NCAM1: variants seen among roughly 807,000 people sequenced by gnomAD.
NCAM1 encodes neural cell adhesion molecule 1, also known as antigen recognized by monoclonal antibody 5.1H11.
A neutral mutation model predicts 109.8 loss-of-function variants in NCAM1; 14 were observed. That is an observed-to-expected ratio of 0.13 (90% CI 0.08 to 0.20). The LOEUF is 0.20. Ranked by LOEUF, NCAM1 falls within the 10% of genes least tolerant of loss-of-function variation. The pLI is 1.00. For synonymous variants in NCAM1, 418 were observed against 442.9 expected, an observed-to-expected ratio of 0.94 and a Z score of 0.70; for missense variants, 774 against 1,109.9, an observed-to-expected ratio of 0.70 and a Z score of 4.30.
chr11:113,128,624 C>T (rs996100275), intron 1 of NCAM1, among the ~76,000 whole-genome samples: 1 of 152,184 alleles, frequency 6.6e-6, no homozygotes. Flanking sequence ...GGCATGCCCC[C>T]TCCTTTAGTC....
chr11:113,010,021 C>A (rs1260455596), intron 1 of NCAM1, among the ~76,000 whole-genome samples: 1 of 132,714 alleles, frequency 7.5e-6, no homozygotes, highest in Non-Finnish European at 1.6e-5. Context: ...GGAAATTGAG[C>A]TGCATCTTGA....
chr11:113,098,435 A>G (rs6589357), intron 1 of NCAM1, among the ~76,000 whole-genome samples: 11,104 of 152,092 alleles, frequency 0.073, 780 homozygotes, highest in Admixed American at 0.17. Flanking sequence ...TTGTTATACT[A>G]TATTGCTTTT....
At chr11:113,067,673 C>T (rs1555084459) in intron 1 of NCAM1, among the ~76,000 whole-genome samples, 1 of 152,198 alleles carries the variant, frequency 6.6e-6, no homozygotes, top group African/African-American at 2.4e-5. Context: ...TCTTTCCTAG[C>T]CTCAGTGGGT....
chr11:113,016,117 C>T lies in NCAM1; in HGVS notation c.52+54453C>T, dbSNP rs988099536. ...CCCATAAATGGTTCAATTTATGAAG[C>T]CCATTCATGGATCTATTTAGGAGGT... On this transcript the variant is annotated intron_variant, in intron 1 of 19. Transcript: ENST00000316851. Among the ~76,000 whole-genome samples, 6 of 152,172 alleles carry T rather than the reference C, an allele frequency of 3.9e-5. 1 individual carries two copies. Among genetic ancestry groups the T allele is most frequent in the Admixed American group, 2.0e-4 (3 of 15,302 alleles).
chr11:113,043,549 C>G (rs1555080309), intron 1 of NCAM1, among the ~76,000 whole-genome samples: 2 of 152,130 alleles, frequency 1.3e-5, no homozygotes, highest in Non-Finnish European at 2.9e-5. Flanking sequence ...GTTGGCCAGG[C>G]TGGTCTCGAA....
intron 1 of NCAM1, among the ~76,000 whole-genome samples, chr11:113,064,589 A>C (rs2135513015): frequency 6.6e-6 from 1 of 152,274 alleles, no homozygotes; most frequent in South Asian, 2.1e-4. Context: ...CATCTCATTT[A>C]ATTCTCCAGT....
chr11:113,036,429 C>A (rs1952887747), intron 1 of NCAM1, among the ~76,000 whole-genome samples: 1 of 152,002 alleles, frequency 6.6e-6, no homozygotes, highest in African/African-American at 2.4e-5. Context: ...GGTGCCTCTC[C>A]CCCATTCCAT....
chr11:113,137,347 G>A (rs1555099676), intron 1 of NCAM1, among the ~76,000 whole-genome samples: 1 of 152,228 alleles, frequency 6.6e-6, no homozygotes, highest in Non-Finnish European at 1.5e-5. Context: ...TATTTAAAAG[G>A]AGAACTCAGA....
At chr11:113,202,513 C>A in intron 2 of NCAM1, 60 bp downstream of exon 2, 3 of 1,441,048 alleles carry the variant, frequency 2.1e-6, no homozygotes, top group Non-Finnish European at 2.8e-6. Context: ...CTGGGTAGAG[C>A]AGGAGCCCTC....
In NCAM1 at chr11:113,235,350, A is replaced by G. The variant is rs1555118080; in HGVS notation, c.1825+186A>G. 4 of 1,270,526 alleles carry G rather than the reference A, an allele frequency of 3.1e-6. 1 individual carries two copies. In the South Asian group the frequency reaches 4.8e-5, roughly 15 times the overall value. The allele number at this position is 1,270,526 out of a possible 1,614,324, so 78.7% of individuals were successfully genotyped here. A position where few individuals can be genotyped will look rare whatever the true frequency, so the allele number is the denominator to read the frequency against. The stretch of plus-strand genomic sequence containing the variant: ...GTGACAGCTAACACACAGTCCCTTC[A>G]TTCTCTCTTTCTCCAAGGGGTTGGG... On this transcript the variant is annotated intron_variant, in intron 14 of 19. Transcript: ENST00000316851.
intron 1 of NCAM1, among the ~76,000 whole-genome samples, chr11:113,145,759 C>G (rs1941994282): frequency 6.6e-6 from 1 of 151,816 alleles, no homozygotes; most frequent in Non-Finnish European, 1.5e-5. Flanking sequence ...CCCACCCCAC[C>G]CCCACTTTCC....
intron 1 of NCAM1, among the ~76,000 whole-genome samples, chr11:113,120,564 T>C (rs964232498): frequency 6.6e-5 from 10 of 152,142 alleles, no homozygotes; most frequent in African/African-American, 2.4e-4. Flanking sequence ...ATGCCTCAGA[T>C]TGATTTTATT....
chr11:113,240,662 C>A, intron 14 of NCAM1: 1 of 878,770 alleles, frequency 1.1e-6, no homozygotes, highest in Non-Finnish European at 1.9e-6. Flanking sequence ...TGTTGTTCTT[C>A]CCACTTTAAC....
At chr11:113,187,032 T>C (rs1943528347) in intron 1 of NCAM1, among the ~76,000 whole-genome samples, 1 of 152,248 alleles carries the variant, frequency 6.6e-6, no homozygotes. Flanking sequence ...CTCCCTTTCT[T>C]GACTAATTCT....
At chr11:113,116,829 G>C (rs1268456630) in intron 1 of NCAM1, among the ~76,000 whole-genome samples, 1 of 151,572 alleles carries the variant, frequency 6.6e-6, no homozygotes, top group Non-Finnish European at 1.5e-5. Flanking sequence ...TTTGGGAAAG[G>C]GTCCAAAGAG....
At chr11:113,234,046 T>C (rs11823162) in intron 13 of NCAM1, among the ~76,000 whole-genome samples, 7,033 of 152,040 alleles carry the variant, frequency 0.046, 520 homozygotes, top group African/African-American at 0.15. Flanking sequence ...TTCAGAGACA[T>C]AGTCCAGTGC....
intron 1 of NCAM1, among the ~76,000 whole-genome samples, chr11:113,109,894 C>T (rs1372256451): frequency 1.3e-5 from 2 of 151,956 alleles, no homozygotes; most frequent in Non-Finnish European, 2.9e-5. Flanking sequence ...ATTCCTTGGC[C>T]CCTGAGATTT....
At chr11:113,163,398 A>C (rs1942669740) in intron 1 of NCAM1, among the ~76,000 whole-genome samples, 1 of 152,176 alleles carries the variant, frequency 6.6e-6, no homozygotes, top group Non-Finnish European at 1.5e-5. Context: ...CTTTTTCTTC[A>C]CCCAGGGGAA....
intron 1 of NCAM1, among the ~76,000 whole-genome samples, chr11:113,023,912 C>T (rs1309735663): frequency 7.3e-6 from 1 of 137,716 alleles, no homozygotes; most frequent in African/African-American, 2.7e-5. Context: ...GTCTGATCTG[C>T]AAAAAAAAAA....
Sources: gnomAD v4.1 joint callset for allele counts (sites outside exome capture counted in the v4.1 genomes callset) on GRCh38, gnomAD v4.1.1 for gene constraint, MANE v1.5 for transcripts, NCBI Gene and HGNC (gene_info 2026-07-23, HGNC 2026-07-21) for gene names.